The following GREB1L variants were observed in gnomAD, a reference collection of about 807,000 sequenced individuals.
GREB1L encodes the protein GREB1 like retinoic acid receptor coactivator.
Under a neutral mutation model 200.8 loss-of-function variants are expected in GREB1L, and 17 were observed. That is an observed-to-expected ratio of 0.08 (90% CI 0.06 to 0.13). GREB1L has a LOEUF of 0.13. GREB1L is among the 10% of genes least tolerant of loss of function. GREB1L has a pLI of 1.00. For synonymous variants in GREB1L, 789 were observed against 893.0 expected (o/e 0.88, Z 2.08); for missense variants, 1,657 against 2,367.7 (o/e 0.70, Z 6.23).
intron 23 of GREB1L, among the ~76,000 whole-genome samples, chr18:21,501,798 T>C (rs1424870604): frequency 1.3e-5 from 2 of 152,192 alleles, no homozygotes; most frequent in Non-Finnish European, 2.9e-5. Flanking sequence ...AAAACTTCTA[T>C]GTGTAGAACT....
chr18:21,432,008 C>T (rs1352980615), intron 7 of GREB1L, among the ~76,000 whole-genome samples: 8 of 149,960 alleles, frequency 5.3e-5, no homozygotes, highest in African/African-American at 1.2e-4. Flanking sequence ...CTGCAAGCTC[C>T]GCCTCCTGGG....
chr18:21,245,638 ATTAAC>A (rs1311173982), intron 1 of GREB1L, among the ~76,000 whole-genome samples: 9 of 152,206 alleles, frequency 5.9e-5, no homozygotes, highest in African/African-American at 2.2e-4. Context: ...GATGTTCATT[ATTAAC>A]TTAAGCCTTC....
intron 1 of GREB1L, among the ~76,000 whole-genome samples, chr18:21,297,183 A>G (rs1272982635): frequency 6.6e-6 from 1 of 152,094 alleles, no homozygotes; most frequent in African/African-American, 2.4e-5. Flanking sequence ...GGTAACCCCT[A>G]TACACATTAA....
chr18:21,274,402 AC>A (rs971635826), intron 1 of GREB1L, among the ~76,000 whole-genome samples: 1 of 151,950 alleles, frequency 6.6e-6, no homozygotes, highest in Non-Finnish European at 1.5e-5. Context: ...ACACACACAA[AC>A]AACACAATTT....
At chr18:21,436,669 GGTGTGTGTGTGTGT>G (rs71178172) in intron 7 of GREB1L, among the ~76,000 whole-genome samples, 192 of 132,534 alleles carry the variant, frequency 1.4e-3, no homozygotes, top group African/African-American at 1.1e-3. Flanking sequence ...AAAGTTCAGT[GGTGTGTGTGTGTGT>G]GTGTGTGTGT....
intron 1 of GREB1L, among the ~76,000 whole-genome samples, chr18:21,278,215 A>G (rs968370651): frequency 2.6e-5 from 4 of 151,940 alleles, no homozygotes; most frequent in African/African-American, 4.8e-5. Flanking sequence ...CCCCATCTCT[A>G]CTAAAAATAT....
chr18:21,269,673 A>T (rs1418105576), intron 1 of GREB1L, among the ~76,000 whole-genome samples: 4 of 152,244 alleles, frequency 2.6e-5, no homozygotes, highest in African/African-American at 9.6e-5. Context: ...AGTAAGAAAA[A>T]AAAGGATTGT....
At chr18:21,387,616 G>A (rs1190242940) in intron 4 of GREB1L, 2 of 152,184 alleles carry the variant, frequency 1.3e-5, no homozygotes, top group East Asian at 3.9e-4. Context: ...CAGTCCTTCA[G>A]AATTATTTAG....
chr18:21,361,055 C>T (rs2143542368), intron 1 of GREB1L, among the ~76,000 whole-genome samples: 1 of 152,124 alleles, frequency 6.6e-6, no homozygotes, highest in Middle Eastern at 3.4e-3. Flanking sequence ...AGTCTGTGAC[C>T]TATGAAATCT....
chr18:21,513,109 T>C (rs2037298487), intron 27 of GREB1L, among the ~76,000 whole-genome samples: 1 of 152,168 alleles, frequency 6.6e-6, no homozygotes, highest in Admixed American at 6.5e-5. Flanking sequence ...ATTATTGTCT[T>C]CTTAGAGGTG....
chr18:21,243,274 C>T (rs547930970), intron 1 of GREB1L, among the ~76,000 whole-genome samples: 2 of 152,234 alleles, frequency 1.3e-5, no homozygotes, highest in East Asian at 1.9e-4. Context: ...TTACATGAGT[C>T]CAAGGAACGT....
intron 27 of GREB1L, 67 bp from the exon 28 acceptor site, chr18:21,513,754 G>A (rs944362669): frequency 3.5e-6 from 5 of 1,436,404 alleles, no homozygotes; most frequent in Non-Finnish European, 3.8e-6. Flanking sequence ...ATAGCTGCCT[G>A]TGGGGCTTCA....
chr18:21,298,244 A>G (rs1335559175), intron 1 of GREB1L, among the ~76,000 whole-genome samples: 1 of 151,396 alleles, frequency 6.6e-6, no homozygotes, highest in Non-Finnish European at 1.5e-5. Flanking sequence ...GTCCACATTC[A>G]CTCTCAGTCT....
intron 2 of GREB1L, among the ~76,000 whole-genome samples, chr18:21,376,965 A>G (rs1182796314): frequency 1.3e-5 from 2 of 152,182 alleles, no homozygotes; most frequent in Non-Finnish European, 2.9e-5. Context: ...AAACTATATT[A>G]AATATTTTGT....
intron 17 of GREB1L, 44 bp from the exon 18 acceptor site, chr18:21,485,575 CT>C: frequency 6.6e-7 from 1 of 1,523,542 alleles, no homozygotes; most frequent in Middle Eastern, 1.8e-4. Flanking sequence ...ACAAGACACA[CT>C]GTATCCTGTC....
chr18:21,249,590 C>T (rs1185660678), intron 1 of GREB1L, among the ~76,000 whole-genome samples: 2 of 152,086 alleles, frequency 1.3e-5, no homozygotes, highest in African/African-American at 4.8e-5. Flanking sequence ...TGTGGTGGCT[C>T]ATGCCTGTAA....
At chr18:21,520,596 G>T in intron 31 of GREB1L, 92 bp from the exon 32 acceptor site, 1 of 1,356,270 alleles carries the variant, frequency 7.4e-7, no homozygotes, top group South Asian at 1.3e-5. Context: ...TCCTGAAATA[G>T]AGAAAAAGGA....
chr18:21,374,011 T>C (rs1210947194), intron 2 of GREB1L, among the ~76,000 whole-genome samples: 2 of 152,132 alleles, frequency 1.3e-5, no homozygotes, highest in Non-Finnish European at 2.9e-5. Context: ...TAGTTCTTTT[T>C]TTTTTCTTCA....
intron 32 of GREB1L, 23 bp downstream of exon 32, chr18:21,520,846 C>T: frequency 6.6e-7 from 1 of 1,512,156 alleles, no homozygotes; most frequent in Middle Eastern, 1.7e-4. Context: ...TAGTATCTTG[C>T]TTGTAATTGC....
Sources: gnomAD v4.1 joint callset for allele counts (sites outside exome capture counted in the v4.1 genomes callset) on GRCh38, gnomAD v4.1.1 for gene constraint, MANE v1.5 for transcripts, NCBI Gene and HGNC (gene_info 2026-07-23, HGNC 2026-07-21) for gene names.